TPO: variants seen among roughly 807,000 people sequenced by gnomAD.
TPO encodes thyroid microsomal antigen.
In TPO, 78 loss-of-function variants were observed where a neutral mutation model predicts 96.9. The ratio of observed to expected loss-of-function variants is 0.81; its 90% CI spans 0.67 to 0.97. TPO has a LOEUF of 0.97. Among genes scored for constraint, TPO ranks in the 50% least tolerant of loss-of-function variants. The pLI is 0.00. For synonymous variants in TPO, 547 were observed against 538.0 expected, an observed-to-expected ratio of 1.02 and a Z score of -0.23; for missense variants, 1,252 against 1,274.8, an observed-to-expected ratio of 0.98 and a Z score of 0.27.
At chr2:1,513,221 G>A (rs550967370) in intron 14 of TPO, among the ~76,000 whole-genome samples, 1 of 152,354 alleles carries the variant, frequency 6.6e-6, no homozygotes, top group African/African-American at 2.4e-5. Context: ...AAGCCTGCCT[G>A]CATGAGGAAG....
At chr2:1,440,689 C>T (rs1053878890) in intron 5 of TPO, among the ~76,000 whole-genome samples, 2 of 152,098 alleles carry the variant, frequency 1.3e-5, no homozygotes, top group Middle Eastern at 3.4e-3. Flanking sequence ...TAGTCAGTGC[C>T]GCAGGAGGCA....
At chr2:1,374,137 C>G (rs1661681421), upstream of TPO, 1 of 152,278 alleles carries the variant, frequency 6.6e-6, no homozygotes, top group Non-Finnish European at 1.5e-5. Context: ...GGATGAAGCC[C>G]TCAGCCATGG....
intron 15 of TPO, among the ~76,000 whole-genome samples, chr2:1,539,639 G>C (rs149422169): frequency 6.6e-6 from 1 of 152,156 alleles, no homozygotes; most frequent in Non-Finnish European, 1.5e-5. Flanking sequence ...GCTGTGGTGC[G>C]GGGACTGCGC....
At chr2:1,476,020 G>A (rs58615717) in intron 7 of TPO, among the ~76,000 whole-genome samples, 12,132 of 152,258 alleles carry the variant, frequency 0.08, 669 homozygotes, top group East Asian at 0.28. Flanking sequence ...GCACGGCACC[G>A]AGCGGCCAAC....
chr2:1,464,733 T>C (rs1306407585), intron 7 of TPO, among the ~76,000 whole-genome samples: 5 of 152,204 alleles, frequency 3.3e-5, no homozygotes, highest in African/African-American at 9.6e-5. Flanking sequence ...CTTAGCCCAC[T>C]TTTTGATGGG....
chr2:1,452,617 C>T (rs181197504), intron 5 of TPO, among the ~76,000 whole-genome samples: 28 of 152,282 alleles, frequency 1.8e-4, no homozygotes, highest in Admixed American at 3.9e-4. Context: ...CCATCTGGCC[C>T]TCAAAACTCC....
In TPO at chr2:1,433,459, C is replaced by G; in HGVS notation, c.201C>G (p.Ile67Met). 1 of 1,614,196 alleles carries G rather than the reference C, an allele frequency of 6.2e-7. No individual in the cohort carries two copies. Among genetic ancestry groups the G allele is most frequent in the African/African-American group, 1.3e-5 (1 of 75,038 alleles). Residue 67 changes from isoleucine (I) to methionine (M), a missense_variant, in exon 4 of 17, where the codon ATC becomes ATG. Physicochemically the swap from Ile to Met is conservative, Grantham distance 10. Coordinates refer to ENST00000329066, the MANE Select transcript of TPO (RefSeq NM_001206744.2). Reference protein sequence around the residue: ...TMQRNLKKRGILSPAQLLSFS... With the variant: ...TMQRNLKKRGMLSPAQLLSFS... Reference sequence around the variant, plus strand: ...ATAGAAACCTCAAGAAAAGAGGAATCCTTTCTCCAGCTCAGCTTCTGTCTT... The same window carrying G: ...ATAGAAACCTCAAGAAAAGAGGAATGCTTTCTCCAGCTCAGCTTCTGTCTT...
At chr2:1,508,382 G>C (rs1400008512) in intron 14 of TPO, among the ~76,000 whole-genome samples, 1 of 152,160 alleles carries the variant, frequency 6.6e-6, no homozygotes, top group Non-Finnish European at 1.5e-5. Context: ...TTTGGTATCA[G>C]GATGATGCTG....
chr2:1,440,043 C>T (rs1386093775), intron 5 of TPO, among the ~76,000 whole-genome samples: 2 of 152,224 alleles, frequency 1.3e-5, no homozygotes, highest in Non-Finnish European at 2.9e-5. Flanking sequence ...TGGTTCCCCA[C>T]CCACACCTTC....
In TPO at chr2:1,535,809, A is replaced by G. The variant is rs1218347311; in HGVS notation, c.2619-4785A>G. 4.5e-5 allele frequency among the ~76,000 whole-genome samples: 3 copies of G among 67,300 alleles called. 1 individual carries two copies. Among genetic ancestry groups the G allele is most frequent in the Non-Finnish European group, 8.6e-5 (3 of 35,008 alleles). 44.2% of individuals were successfully genotyped at this position (67,300 alleles called of 152,430 possible). ...CTGTGCAACCTCCGCCATCCCTCCC[A>G]CTGTGTGCAACCTGCTCAAATCCCC... On this transcript the variant is annotated intron_variant, in intron 15 of 16. Transcript: ENST00000329066.
chr2:1,452,952 T>C (rs1017090186), intron 5 of TPO, among the ~76,000 whole-genome samples: 13 of 152,206 alleles, frequency 8.5e-5, no homozygotes, highest in Non-Finnish European at 1.9e-4. Context: ...GCACTTCAAA[T>C]ACATTTTTGT....
intron 13 of TPO, among the ~76,000 whole-genome samples, chr2:1,499,264 C>CGG (rs1409109795): frequency 6.6e-6 from 1 of 152,108 alleles, no homozygotes; most frequent in African/African-American, 2.4e-5. Context: ...TCTGACCTTC[C>CGG]GCCTGGGACG....
chr2:1,451,041 A>T (rs1044755837), intron 5 of TPO, among the ~76,000 whole-genome samples: 1 of 152,188 alleles, frequency 6.6e-6, no homozygotes, highest in Non-Finnish European at 1.5e-5. Context: ...GACATAGAGA[A>T]GTAACCATGT....
At chr2:1,436,141 A>C in intron 4 of TPO, 111 bp from the exon 5 acceptor site, 1 of 1,559,160 alleles carries the variant, frequency 6.4e-7, no homozygotes, top group Non-Finnish European at 8.8e-7. Flanking sequence ...CCCCAGTTAC[A>C]TATGAATCCC....
intron 15 of TPO, among the ~76,000 whole-genome samples, chr2:1,528,598 A>G (rs1677183683): frequency 1.4e-5 from 2 of 140,634 alleles, no homozygotes; most frequent in African/African-American, 2.8e-5. Context: ...ACCGCCCCAA[A>G]TCTACCCCAG....
chr2:1,394,863 C>A (rs953750083), intron 1 of TPO, among the ~76,000 whole-genome samples: 1 of 152,042 alleles, frequency 6.6e-6, no homozygotes, highest in African/African-American at 2.4e-5. Context: ...TGTTGAGATG[C>A]GGTTAGATTT....
At chr2:1,420,528 C>A (rs1336683954) in intron 2 of TPO, among the ~76,000 whole-genome samples, 1 of 152,122 alleles carries the variant, frequency 6.6e-6, no homozygotes, top group East Asian at 1.9e-4. Flanking sequence ...TTGAGATTGA[C>A]AATTTCATGA....
At chr2:1,391,203 T>C (rs1294771514) in intron 1 of TPO, among the ~76,000 whole-genome samples, 1 of 152,226 alleles carries the variant, frequency 6.6e-6, no homozygotes, top group East Asian at 1.9e-4. Flanking sequence ...GAATTAATTT[T>C]GTATAAGATG....
intron 1 of TPO, among the ~76,000 whole-genome samples, chr2:1,401,220 T>G (rs751083396): frequency 6.6e-6 from 1 of 152,198 alleles, no homozygotes; most frequent in Non-Finnish European, 1.5e-5. Flanking sequence ...AGTAAAACTT[T>G]AGGCAAAACA....
Sources: allele counts gnomAD v4.1 joint callset (sites outside exome capture counted in the v4.1 genomes callset), GRCh38; gene constraint gnomAD v4.1.1; transcripts MANE v1.5; gene names NCBI Gene and HGNC (gene_info 2026-07-23, HGNC 2026-07-21).